FUT8: variants seen among roughly 807,000 people sequenced by gnomAD.
FUT8 encodes fucosyltransferase 8.
FUT8 carries 29 observed loss-of-function variants against 71.3 expected under a neutral mutation model. The observed-to-expected ratio is 0.41, with a 90% CI of 0.30 to 0.55. The LOEUF (loss-of-function observed/expected upper bound fraction) is 0.55, where lower values mean the gene tolerates loss of function less well. Among genes scored for constraint, FUT8 ranks in the 20% least tolerant of loss-of-function variants. The probability of loss-of-function intolerance (pLI) is 0.34; values close to 1 mark genes in which losing one functional copy is unlikely to be tolerated. For missense variants in FUT8, 544 were observed against 702.1 expected (o/e 0.77, Z 2.55); for synonymous variants, 254 against 239.3 (o/e 1.06, Z -0.57).
Position 65,414,050 on chromosome 14 carries a change from T to G in FUT8, c.-326+836T>G, listed in dbSNP as rs1359983584. The stretch of plus-strand genomic sequence containing the variant: ...GGCCTTGGTTAAAGGCACGGACAGG[T>G]GGTGTTTTTTTCCTTCCTATGTTTT... On this transcript the variant is annotated intron_variant, in intron 1 of 10. Coordinates refer to ENST00000673929, the MANE Select transcript of FUT8 (RefSeq NM_001371533.1). 2.6e-5 allele frequency among the ~76,000 whole-genome samples: 4 copies of G among 152,288 alleles called. No homozygotes were observed. The East Asian group carries it at 7.7e-4, about 29-fold the overall frequency.
At chr14:65,442,951 A>G (rs1485153359) in intron 1 of FUT8, among the ~76,000 whole-genome samples, 1 of 152,206 alleles carries the variant, frequency 6.6e-6, no homozygotes, top group Non-Finnish European at 1.5e-5. Context: ...GGAGGAACTT[A>G]AAACTATGGG....
intron 7 of FUT8, among the ~76,000 whole-genome samples, chr14:65,673,948 T>C (rs892625521): frequency 2.0e-5 from 3 of 152,190 alleles, no homozygotes; most frequent in Admixed American, 6.5e-5. Context: ...AAATTATACT[T>C]TCAGTCTTTC....
intron 2 of FUT8, among the ~76,000 whole-genome samples, chr14:65,530,679 GTTAAA>G (rs895925038): frequency 2.6e-5 from 4 of 151,850 alleles, no homozygotes; most frequent in Admixed American, 1.3e-4. Context: ...CAACTGATGC[GTTAAA>G]TTAAAGTTGA....
rs780382949 is a variant in FUT8 at position 65,616,336 on chromosome 14, G to A, written c.445G>A (p.Ala149Thr). 6.2e-6 allele frequency: 10 copies of A among 1,608,068 alleles called. No homozygotes were observed. Among genetic ancestry groups the A allele is most frequent in the African/African-American group, 1.3e-5 (1 of 74,586 alleles). ...NLEGNELQRHADEFLLDLGHH... is the reference protein window; with the variant it reads ...NLEGNELQRHTDEFLLDLGHH... ...AGAAGGAAATGAACTCCAAAGACATGCAGATGAATTTCTTTTGGATTTAGG... is the reference window on the plus strand; with the variant it reads ...AGAAGGAAATGAACTCCAAAGACATACAGATGAATTTCTTTTGGATTTAGG... The change falls in exon 5 of 11, where the codon GCA (alanine) becomes ACA (threonine). Residue 149 changes from alanine (A) to threonine (T), a missense_variant. Coordinates refer to ENST00000673929, the MANE Select transcript of FUT8 (RefSeq NM_001371533.1).
chr14:65,502,525 C>T (rs923665980), intron 2 of FUT8, among the ~76,000 whole-genome samples: 4 of 152,008 alleles, frequency 2.6e-5, no homozygotes, highest in Non-Finnish European at 5.9e-5. Flanking sequence ...GTGCCCGGCC[C>T]GGGTCCACTT....
At chr14:65,597,475 T>C (rs1193097910) in intron 3 of FUT8, among the ~76,000 whole-genome samples, 1 of 151,926 alleles carries the variant, frequency 6.6e-6, no homozygotes, top group African/African-American at 2.4e-5. Flanking sequence ...TACAAAAAAT[T>C]AGCCGGGCAT....
chr14:65,617,293 T>A, intron 5 of FUT8: 1 of 1,269,362 alleles, frequency 7.9e-7, no homozygotes, highest in Non-Finnish European at 1.0e-6. Context: ...ATCTGTCTAT[T>A]GGAATCATTT....
At chr14:65,689,107 C>T (rs1311201952) in intron 7 of FUT8, among the ~76,000 whole-genome samples, 2 of 152,168 alleles carry the variant, frequency 1.3e-5, no homozygotes, top group Non-Finnish European at 2.9e-5. Flanking sequence ...GTGATTATAC[C>T]ATTTGGCATT....
chr14:65,462,492 A>T (rs2065982654), intron 2 of FUT8, among the ~76,000 whole-genome samples: 1 of 152,202 alleles, frequency 6.6e-6, no homozygotes, highest in African/African-American at 2.4e-5. Context: ...TTTGTCTGTC[A>T]TGTCATTCTT....
At chr14:65,518,504 G>A (rs1882857138) in intron 2 of FUT8, among the ~76,000 whole-genome samples, 1 of 152,010 alleles carries the variant, frequency 6.6e-6, no homozygotes, top group South Asian at 2.1e-4. Flanking sequence ...AACAGTGACT[G>A]TGGCTTCATT....
intron 3 of FUT8, 103 bp from the exon 4 acceptor site, chr14:65,615,875 A>C: frequency 2.6e-6 from 2 of 781,340 alleles, no homozygotes; most frequent in Non-Finnish European, 4.1e-6. Flanking sequence ...TATATGGTTC[A>C]ACAACTTATG....
chr14:65,679,331 TGAGACA>T (rs969493822), intron 7 of FUT8, among the ~76,000 whole-genome samples: 3 of 152,226 alleles, frequency 2.0e-5, no homozygotes, highest in African/African-American at 7.2e-5. Context: ...CCACCCAAAT[TGAGACA>T]TTAGAATCTA....
chr14:65,441,797 GA>G (rs1297772760), intron 1 of FUT8, among the ~76,000 whole-genome samples: 1 of 141,382 alleles, frequency 7.1e-6, no homozygotes, highest in African/African-American at 2.6e-5. Flanking sequence ...TATTTACTCA[GA>G]TTTTTTTTTT....
intron 7 of FUT8, among the ~76,000 whole-genome samples, chr14:65,693,584 A>T (rs1474333683): frequency 6.6e-6 from 1 of 152,198 alleles, no homozygotes; most frequent in Non-Finnish European, 1.5e-5. Flanking sequence ...ATACATTGTT[A>T]GGTTTGATTT....
chr14:65,714,419 T>TTTTATTTATTTA (rs55846929), intron 7 of FUT8, among the ~76,000 whole-genome samples: 8 of 145,418 alleles, frequency 5.5e-5, no homozygotes, highest in Non-Finnish European at 7.5e-5. Context: ...TCCATATAAA[T>TTTTATTTATTTA]TTTATTTATT....
chr14:65,522,467 CTTAT>C (rs1883147600), intron 2 of FUT8, among the ~76,000 whole-genome samples: 1 of 151,908 alleles, frequency 6.6e-6, no homozygotes, highest in African/African-American at 2.4e-5. Flanking sequence ...GTATCAAACT[CTTAT>C]TTAATGAATG....
At chr14:65,575,658 C>T (rs1262309848) in intron 3 of FUT8, among the ~76,000 whole-genome samples, 1 of 150,120 alleles carries the variant, frequency 6.7e-6, no homozygotes, top group Non-Finnish European at 1.5e-5. Flanking sequence ...TTGCTCTGTC[C>T]CCCAGACTGG....
chr14:65,508,593 C>G lies in FUT8; in HGVS notation c.-227-52744C>G, dbSNP rs111338996. Among the ~76,000 whole-genome samples the G allele has an allele frequency of 2.7e-5, 4 of 149,052 alleles. No homozygotes were observed. In the Admixed American group the frequency reaches 2.7e-4, roughly 10 times the overall value. On this transcript the variant is annotated intron_variant, in intron 2 of 10. Transcript: ENST00000673929. ...TCGGCTCACTACAACCTCCACCTCC[C>G]GGGTTCAAGCAATTCTGTTGCCTCA...
chr14:65,711,283 C>T (rs1430296587), intron 7 of FUT8, among the ~76,000 whole-genome samples: 1 of 152,170 alleles, frequency 6.6e-6, no homozygotes, highest in Non-Finnish European at 1.5e-5. Context: ...GTTAATGGAG[C>T]AATCTGTAAG....
Sources: allele counts gnomAD v4.1 joint callset (sites outside exome capture counted in the v4.1 genomes callset), GRCh38; gene constraint gnomAD v4.1.1; transcripts MANE v1.5; gene names NCBI Gene and HGNC (gene_info 2026-07-23, HGNC 2026-07-21).